CTNNA3: variants seen among roughly 807,000 people sequenced by gnomAD.
CTNNA3 encodes catenin alpha-3.
Under a neutral mutation model 95.7 loss-of-function variants are expected in CTNNA3, and 76 were observed. The ratio of observed to expected loss-of-function variants is 0.79; its 90% CI spans 0.66 to 0.96. The LOEUF (loss-of-function observed/expected upper bound fraction) is 0.96. Ranked by LOEUF, CTNNA3 falls within the 40% of genes least tolerant of loss-of-function variation. The pLI is 0.00. For synonymous variants in CTNNA3, 431 were observed against 374.4 expected, an observed-to-expected ratio of 1.15 and a Z score of -1.74; for missense variants, 1,191 against 1,089.8, an observed-to-expected ratio of 1.09 and a Z score of -1.31.
chr10:66,409,108 T>G (rs892181506), intron 11 of CTNNA3, among the ~76,000 whole-genome samples: 1 of 152,188 alleles, frequency 6.6e-6, no homozygotes, highest in Non-Finnish European at 1.5e-5. Flanking sequence ...TCTACATATC[T>G]CTCATATTCC....
chr10:66,310,237 T>G (rs2091999451), intron 12 of CTNNA3, among the ~76,000 whole-genome samples: 1 of 152,176 alleles, frequency 6.6e-6, no homozygotes, highest in South Asian at 2.1e-4. Context: ...TTTCATGACT[T>G]TACCACTTTC....
intron 5 of CTNNA3, among the ~76,000 whole-genome samples, chr10:67,308,045 C>T (rs74835067): frequency 3.3e-4 from 50 of 152,304 alleles, no homozygotes; most frequent in African/African-American, 1.2e-3. Context: ...CTACTCTACC[C>T]TACATGTGTT....
At chr10:66,714,222 C>T (rs1848383708) in intron 9 of CTNNA3, among the ~76,000 whole-genome samples, 1 of 152,078 alleles carries the variant, frequency 6.6e-6, no homozygotes, top group African/African-American at 2.4e-5. Flanking sequence ...ATAACTTTCC[C>T]TCTTCTTTGG....
At chr10:66,815,371 C>T (rs918695661) in intron 7 of CTNNA3, among the ~76,000 whole-genome samples, 4 of 152,074 alleles carry the variant, frequency 2.6e-5, no homozygotes, top group Non-Finnish European at 4.4e-5. Context: ...CAATTCACTT[C>T]GCTGGTGAGA....
At chr10:66,165,924 C>T (rs926180875) in intron 13 of CTNNA3, among the ~76,000 whole-genome samples, 1 of 151,900 alleles carries the variant, frequency 6.6e-6, no homozygotes. Flanking sequence ...CCTGCCACCA[C>T]ACCTGGCTAA....
intron 9 of CTNNA3, among the ~76,000 whole-genome samples, chr10:66,648,215 T>A (rs184075098): frequency 2.7e-4 from 41 of 152,188 alleles, no homozygotes; most frequent in African/African-American, 9.6e-4. Flanking sequence ...TCCACTTGTG[T>A]CCCTTCCCCA....
At chr10:66,792,139 C>A (rs1840996494) in intron 7 of CTNNA3, among the ~76,000 whole-genome samples, 1 of 152,076 alleles carries the variant, frequency 6.6e-6, no homozygotes, top group Admixed American at 6.6e-5. Context: ...AAAAATATAA[C>A]CTCCTTTAAC....
chr10:66,973,743 C>G (rs1849862385), intron 7 of CTNNA3, among the ~76,000 whole-genome samples: 1 of 152,086 alleles, frequency 6.6e-6, no homozygotes, highest in Non-Finnish European at 1.5e-5. Context: ...CCTGCTTCAG[C>G]CTTCCCAGTA....
At chr10:67,206,571 GA>G (rs1181058926) in intron 6 of CTNNA3, among the ~76,000 whole-genome samples, 3 of 150,902 alleles carry the variant, frequency 2.0e-5, no homozygotes, top group Non-Finnish European at 4.4e-5. Context: ...GGGAAAGGAA[GA>G]AAAGAGGGAG....
At chr10:67,195,106 G>A (rs1393727303) in intron 6 of CTNNA3, among the ~76,000 whole-genome samples, 1 of 150,906 alleles carries the variant, frequency 6.6e-6, no homozygotes, top group African/African-American at 2.4e-5. Context: ...GATAGCAAAA[G>A]AACAAAGGAG....
chr10:66,909,862 C>A (rs1313919206), intron 7 of CTNNA3, among the ~76,000 whole-genome samples: 1 of 152,094 alleles, frequency 6.6e-6, no homozygotes, highest in Non-Finnish European at 1.5e-5. Flanking sequence ...TCTGCATCAT[C>A]TTAATGTTTT....
intron 6 of CTNNA3, among the ~76,000 whole-genome samples, chr10:67,204,208 T>C (rs73262290): frequency 0.022 from 3,386 of 152,110 alleles, 108 homozygotes; most frequent in African/African-American, 0.065. Context: ...CCACCCCAAA[T>C]CTCATGTCAA....
At chr10:67,185,231 G>T (rs920644737) in intron 6 of CTNNA3, among the ~76,000 whole-genome samples, 1 of 151,756 alleles carries the variant, frequency 6.6e-6, no homozygotes, top group Non-Finnish European at 1.5e-5. Context: ...AAATTCAAGC[G>T]ACTCTCTTGC....
intron 13 of CTNNA3, among the ~76,000 whole-genome samples, chr10:66,213,332 T>C (rs1467035843): frequency 3.3e-5 from 5 of 152,164 alleles, no homozygotes; most frequent in Non-Finnish European, 7.4e-5. Context: ...CCAAATTTCT[T>C]TATTTGCTTT....
intron 5 of CTNNA3, among the ~76,000 whole-genome samples, chr10:67,513,827 T>A (rs1459829071): frequency 2.6e-5 from 4 of 152,174 alleles, no homozygotes; most frequent in Non-Finnish European, 5.9e-5. Flanking sequence ...ATGCTTTTCA[T>A]ACTATAGGTC....
intron 5 of CTNNA3, among the ~76,000 whole-genome samples, chr10:67,463,806 CA>C (rs1847471553): frequency 6.6e-6 from 1 of 152,190 alleles, no homozygotes; most frequent in Admixed American, 6.5e-5. Flanking sequence ...ATAGACAATA[CA>C]TTTTTTATAA....
intron 13 of CTNNA3, among the ~76,000 whole-genome samples, chr10:66,273,568 A>G (rs2091327342): frequency 6.6e-6 from 1 of 152,226 alleles, no homozygotes; most frequent in African/African-American, 2.4e-5. Flanking sequence ...TCAACATTCT[A>G]TAAACCTTAA....
At chr10:66,428,896 C>G (rs1160350244) in intron 11 of CTNNA3, among the ~76,000 whole-genome samples, 1 of 151,886 alleles carries the variant, frequency 6.6e-6, no homozygotes, top group Admixed American at 6.6e-5. Flanking sequence ...CAAGAAATAA[C>G]TAAGATCAGA....
chr10:67,572,216 T>C (rs1316751656), intron 3 of CTNNA3, among the ~76,000 whole-genome samples: 1 of 152,222 alleles, frequency 6.6e-6, no homozygotes, highest in Non-Finnish European at 1.5e-5. Flanking sequence ...ATTTTTTTTG[T>C]AAATGCTAAT....
Sources: allele counts gnomAD v4.1 joint callset (sites outside exome capture counted in the v4.1 genomes callset), GRCh38; gene constraint gnomAD v4.1.1; transcripts MANE v1.5; gene names NCBI Gene and HGNC (gene_info 2026-07-23, HGNC 2026-07-21).